Variants in SMG7 observed in about 807,000 individuals in gnomAD.
The protein encoded by SMG7 is SMG7 nonsense mediated mRNA decay factor.
A neutral mutation model predicts 148.2 loss-of-function variants in SMG7; 34 were observed. The observed-to-expected ratio is 0.23, with a 90% confidence interval of 0.17 to 0.31. The LOEUF is 0.31. Among genes scored for constraint, SMG7 ranks in the 10% least tolerant of loss-of-function variants. The probability of loss-of-function intolerance (pLI) is 1.00; values close to 1 mark genes in which losing one functional copy is unlikely to be tolerated. For missense variants in SMG7, 1,114 were observed against 1,408.4 expected (o/e 0.79, Z 3.35); for synonymous variants, 492 against 515.1 (o/e 0.96, Z 0.61).
chr1:183,528,574 G>A (rs1666308055), intron 6 of SMG7, among the ~76,000 whole-genome samples: 1 of 152,142 alleles, frequency 6.6e-6, no homozygotes, highest in Admixed American at 6.5e-5. Context: ...TTTGTTTATG[G>A]CTGCTTTCAC....
chr1:183,514,920 A>G lies in SMG7; in HGVS notation c.62-954A>G, dbSNP rs536603227. ...AGGATTGTGGTGGCTATAGATGCTA[A>G]TAGCAAACCTAAAGAAGAGTGATGA... On this transcript the variant is annotated intron_variant, in intron 2 of 22. Transcript: ENST00000688051. 5.3e-5 allele frequency among the ~76,000 whole-genome samples: 8 copies of G among 152,362 alleles called. No individual in the cohort carries two copies. In the South Asian group the frequency reaches 1.7e-3, roughly 32 times the overall value.
intron 6 of SMG7, 36 bp from the exon 7 acceptor site, chr1:183,528,856 T>G: frequency 6.4e-7 from 1 of 1,573,510 alleles, no homozygotes; most frequent in Non-Finnish European, 8.7e-7. Context: ...TTTGTCACTC[T>G]TGGGGTTACT....
At chr1:183,476,506 T>C (rs1042073447) in intron 1 of SMG7, among the ~76,000 whole-genome samples, 3 of 152,040 alleles carry the variant, frequency 2.0e-5, no homozygotes, top group African/African-American at 4.8e-5. Context: ...GAAATGAAGA[T>C]AGGAGGCAAG....
chr1:183,550,919 C>T lies in SMG7; in HGVS notation c.3302C>T (p.Pro1101Leu), dbSNP rs757516542. The T allele has an allele frequency of 6.2e-7, 1 of 1,613,940 alleles. No homozygotes were observed. The highest frequency in any genetic ancestry group is 2.2e-5 in the East Asian group (1 of 44,868). The part of the protein sequence containing the change: ...RTADRWKTDK[P>L]AMGGFGIDYL... ...GCAGATCGGTGGAAAACTGATAAGC[C>T]AGGTGAGATCTACATTTCATTGCCA... The change falls in exon 21 of 23, where the codon CCA becomes CTA. Residue 1101 changes from proline (P) to leucine (L), a missense_variant and splice_region_variant. Coordinates refer to ENST00000688051, the MANE Select transcript of SMG7 (RefSeq NM_001375584.1).
In SMG7 at chr1:183,546,355, T is replaced by A; in HGVS notation, c.2742+18T>A. 1 of 1,588,434 alleles carries A rather than the reference T, an allele frequency of 6.3e-7. No individual in the cohort carries two copies. Among genetic ancestry groups the A allele is most frequent in the Non-Finnish European group, 8.6e-7 (1 of 1,166,878 alleles). ...CGTTTGAGGTGTGTGTTCTTTCCTA[T>A]CACCAGGCAATTTGGAGATAGGTCT... On this transcript the variant is annotated intron_variant, in intron 17 of 22. Coordinates refer to ENST00000688051, the MANE Select transcript of SMG7 (RefSeq NM_001375584.1).
At position 183,551,963 on chromosome 1, in the gene SMG7, C is replaced by T. The variant is rs1447751918; in HGVS notation, c.*32C>T. The stretch of plus-strand genomic sequence containing the variant: ...AGTGGCAACCTGGGAATGAAGGCTC[C>T]ATAAACCATGGCATGTTGGGTTTGC... On this transcript the variant is annotated 3_prime_UTR_variant, in exon 23 of 23. Transcript: ENST00000688051. 6.2e-7 allele frequency: 1 copy of T among 1,608,600 alleles called. No homozygotes were observed. The highest frequency in any genetic ancestry group is 1.7e-5 in the Admixed American group (1 of 59,782).
intron 1 of SMG7, among the ~76,000 whole-genome samples, chr1:183,491,280 GTTCC>G (rs949425818): frequency 7.2e-5 from 11 of 152,180 alleles, no homozygotes; most frequent in South Asian, 2.1e-4. Flanking sequence ...CACATTCATA[GTTCC>G]TTCCTTTGTT....
At chr1:183,484,571 A>C (rs1330835524) in intron 1 of SMG7, among the ~76,000 whole-genome samples, 1 of 152,076 alleles carries the variant, frequency 6.6e-6, no homozygotes, top group Non-Finnish European at 1.5e-5. Flanking sequence ...AGAATGTGTC[A>C]CCAGGAACAA....
chr1:183,529,551 G>C lies in SMG7; in HGVS notation c.843+18G>C, dbSNP rs759952791. Reference sequence around the variant, plus strand: ...AGTTTAAGGTTAGATTTCAGAAATAGAGAATTTTTGTCTTGTCTAAATCAG... The same window carrying C: ...AGTTTAAGGTTAGATTTCAGAAATACAGAATTTTTGTCTTGTCTAAATCAG... On this transcript the variant is annotated intron_variant, in intron 8 of 22. Transcript: ENST00000688051. 5.0e-6 allele frequency: 8 copies of C among 1,599,410 alleles called. No individual in the cohort carries two copies. The highest frequency in any genetic ancestry group is 1.1e-5 in the South Asian group (1 of 88,464).
intron 1 of SMG7, among the ~76,000 whole-genome samples, chr1:183,483,248 A>G (rs1467920365): frequency 1.3e-5 from 2 of 152,178 alleles, no homozygotes; most frequent in Non-Finnish European, 2.9e-5. Flanking sequence ...TCCCAAAGAC[A>G]TATAATAGTA....
chr1:183,476,382 A>T (rs1652192157), intron 1 of SMG7, among the ~76,000 whole-genome samples: 1 of 152,200 alleles, frequency 6.6e-6, no homozygotes, highest in African/African-American at 2.4e-5. Flanking sequence ...GATGAAAATT[A>T]GTTTTGTCTT....
rs1393758872 is a variant in SMG7 at position 183,553,725 on chromosome 1, CT to C, written c.*1798del. On this transcript the variant is annotated 3_prime_UTR_variant, in exon 23 of 23. Transcript: ENST00000688051. ...CCCCTACCCAATGGCAATATGAAAC[CT>C]TTTGTGCTTCTCTTCAGCCCCTTCC... is the stretch of plus-strand genomic sequence containing the variant. 1 of 153,628 alleles carries C rather than the reference CT, an allele frequency of 6.5e-6. No individual in the cohort carries two copies. The highest frequency in any genetic ancestry group is 1.4e-5 in the Non-Finnish European group (1 of 69,350). The allele number at this position is 153,628 out of a possible 1,614,324, so 9.5% of individuals were successfully genotyped here. A position where few individuals can be genotyped will look rare whatever the true frequency, so the allele number is the denominator to read the frequency against.
At chr1:183,540,181 G>T (rs892519343) in intron 12 of SMG7, among the ~76,000 whole-genome samples, 7 of 152,074 alleles carry the variant, frequency 4.6e-5, no homozygotes, top group African/African-American at 1.2e-4. Context: ...TCCATCACCA[G>T]CCTGGTAAGC....
chr1:183,514,501 C>T (rs557227912), intron 2 of SMG7, among the ~76,000 whole-genome samples: 1 of 152,250 alleles, frequency 6.6e-6, no homozygotes, highest in Admixed American at 6.5e-5. Flanking sequence ...GTATTATGCT[C>T]TTGAATTGGC....
At chr1:183,507,656 A>G (rs1263225778) in intron 1 of SMG7, among the ~76,000 whole-genome samples, 1 of 152,218 alleles carries the variant, frequency 6.6e-6, no homozygotes, top group East Asian at 1.9e-4. Flanking sequence ...AGCTGTACCT[A>G]TAGGCACTAT....
At position 183,552,862 on chromosome 1, in the gene SMG7, G is replaced by T; in HGVS notation, c.*931G>T. 7.0e-7 allele frequency: 1 copy of T among 1,433,108 alleles called. No homozygotes were observed. Among genetic ancestry groups the T allele is most frequent in the Non-Finnish European group, 9.1e-7 (1 of 1,098,172 alleles). 88.8% of individuals were successfully genotyped at this position (1,433,108 alleles called of 1,614,324 possible). ...GTTATTTTTTCTTTGGTTGGTTTTT[G>T]TGCCCCCATTCTACTTCCCACCCTC... is the stretch of plus-strand genomic sequence containing the variant. On this transcript the variant is annotated 3_prime_UTR_variant, in exon 23 of 23. Transcript: ENST00000688051.
At chr1:183,516,971 A>G (rs1170434710) in intron 3 of SMG7, among the ~76,000 whole-genome samples, 2 of 152,158 alleles carry the variant, frequency 1.3e-5, no homozygotes, top group Admixed American at 6.6e-5. Context: ...GGCCAGTAAT[A>G]TCTTCCCTTT....
At chr1:183,492,214 T>G (rs1657215324) in intron 1 of SMG7, among the ~76,000 whole-genome samples, 1 of 152,218 alleles carries the variant, frequency 6.6e-6, no homozygotes, top group Non-Finnish European at 1.5e-5. Flanking sequence ...ATACTATTGT[T>G]TGAGGTTAAT....
intron 1 of SMG7, among the ~76,000 whole-genome samples, chr1:183,509,292 A>G (rs1364234220): frequency 6.6e-6 from 1 of 152,222 alleles, no homozygotes; most frequent in African/African-American, 2.4e-5. Context: ...TCCTTTATGA[A>G]CAGATCTTTT....
Sources: allele counts gnomAD v4.1 joint callset (sites outside exome capture counted in the v4.1 genomes callset), GRCh38; gene constraint gnomAD v4.1.1; transcripts MANE v1.5; gene names NCBI Gene and HGNC (gene_info 2026-07-23, HGNC 2026-07-21).